TCF4: variants seen among roughly 807,000 people sequenced by gnomAD.
The protein encoded by TCF4 is SL3-3 enhancer factor 2.
TCF4 carries 3 observed loss-of-function variants against 82.1 expected under a neutral mutation model. The observed-to-expected ratio is 0.04, with a 90% confidence interval of 0.02 to 0.09. TCF4 has a LOEUF of 0.09. TCF4 is among the 10% of genes least tolerant of loss of function. The pLI is 1.00. For synonymous variants in TCF4, 276 were observed against 309.6 expected, an observed-to-expected ratio of 0.89 and a Z score of 1.14; for missense variants, 518 against 852.7, an observed-to-expected ratio of 0.61 and a Z score of 4.89.
intron 5 of TCF4, among the ~76,000 whole-genome samples, chr18:55,457,632 T>C (rs1445001555): frequency 2.0e-5 from 3 of 152,134 alleles, no homozygotes; most frequent in Non-Finnish European, 2.9e-5. Context: ...ACCACAGAAG[T>C]GTGCCACCAC....
At chr18:55,631,477 G>GAT in intron 1 of TCF4, 1 of 1,409,768 alleles carries the variant, frequency 7.1e-7, no homozygotes, top group Non-Finnish European at 9.6e-7. Context: ...GGGAAGAAAT[G>GAT]ATAATGTTTT....
intron 3 of TCF4, among the ~76,000 whole-genome samples, chr18:55,487,155 C>G (rs1279369426): frequency 1.3e-5 from 2 of 152,164 alleles, no homozygotes; most frequent in South Asian, 2.1e-4. Context: ...CTCAATCACA[C>G]CAGACTCCTC....
intron 3 of TCF4, among the ~76,000 whole-genome samples, chr18:55,484,545 A>C (rs1254089734): frequency 2.0e-5 from 3 of 152,188 alleles, no homozygotes; most frequent in African/African-American, 7.2e-5. Context: ...GTTCAGTCCA[A>C]GTTGCTAAAA....
intron 3 of TCF4, among the ~76,000 whole-genome samples, chr18:55,511,348 A>AAG (rs1161673399): frequency 6.6e-6 from 1 of 151,338 alleles, no homozygotes; most frequent in Non-Finnish European, 1.5e-5. Context: ...AAAAAAAAAA[A>AAG]AAGCATTCTC....
intron 17 of TCF4, 68 bp from the exon 18 acceptor site, chr18:55,229,144 G>A (rs1454850581): frequency 1.3e-6 from 2 of 1,565,878 alleles, no homozygotes; most frequent in Non-Finnish European, 1.8e-6. Context: ...ACATTACTTT[G>A]TTTTCTTCCA....
At chr18:55,346,711 T>C (rs575761744) in intron 8 of TCF4, among the ~76,000 whole-genome samples, 95 of 152,298 alleles carry the variant, frequency 6.2e-4, no homozygotes, top group African/African-American at 2.2e-3. Context: ...CAGTTTCTGA[T>C]AAAACGTATA....
chr18:55,403,415 A>G (rs191379982), intron 6 of TCF4, 39 bp downstream of exon 6: 2 of 1,605,456 alleles, frequency 1.2e-6, no homozygotes, highest in African/African-American at 2.7e-5. Flanking sequence ...TTACCAGGTT[A>G]ATCCTCTCAA....
At chr18:55,388,758 A>G (rs1490268116) in intron 6 of TCF4, among the ~76,000 whole-genome samples, 5 of 152,206 alleles carry the variant, frequency 3.3e-5, no homozygotes, top group African/African-American at 9.6e-5. Flanking sequence ...CCCCAGTCCC[A>G]TCTCTGCCTT....
At chr18:55,386,970 C>G (rs371020975) in intron 6 of TCF4, among the ~76,000 whole-genome samples, 1 of 152,188 alleles carries the variant, frequency 6.6e-6, no homozygotes, top group South Asian at 2.1e-4. Context: ...CTCGGATACA[C>G]ACAGGCACCA....
At chr18:55,334,506 A>G (rs2078236481) in intron 8 of TCF4, among the ~76,000 whole-genome samples, 1 of 152,142 alleles carries the variant, frequency 6.6e-6, no homozygotes, top group Non-Finnish European at 1.5e-5. Flanking sequence ...CCCAGCTTAG[A>G]AAAGACATTC....
At chr18:55,328,609 AT>A (rs2076980041) in intron 8 of TCF4, among the ~76,000 whole-genome samples, 1 of 152,140 alleles carries the variant, frequency 6.6e-6, no homozygotes. Context: ...TTCGAGGACA[AT>A]TGTTTTTTTC....
At chr18:55,296,844 G>A (rs745774821) in intron 8 of TCF4, among the ~76,000 whole-genome samples, 44 of 152,126 alleles carry the variant, frequency 2.9e-4, no homozygotes, top group Non-Finnish European at 2.1e-4. Context: ...AGTGCACCAA[G>A]GTGGCTCACA....
At chr18:55,372,216 G>A (rs1008217495) in intron 6 of TCF4, among the ~76,000 whole-genome samples, 1 of 152,118 alleles carries the variant, frequency 6.6e-6, no homozygotes, top group African/African-American at 2.4e-5. Flanking sequence ...AAATAAGGAA[G>A]AGTAGCTTCG....
intron 3 of TCF4, among the ~76,000 whole-genome samples, chr18:55,560,417 A>C (rs584564): frequency 1.3e-5 from 2 of 152,170 alleles, no homozygotes; most frequent in African/African-American, 4.8e-5. Context: ...TGCTGTCATC[A>C]GAAGAGTTAA....
At chr18:55,479,813 AC>A (rs1234776853) in intron 3 of TCF4, among the ~76,000 whole-genome samples, 7 of 152,160 alleles carry the variant, frequency 4.6e-5, no homozygotes, top group Non-Finnish European at 8.8e-5. Context: ...CAATTAGCAT[AC>A]CCTGACTAAT....
intron 6 of TCF4, among the ~76,000 whole-genome samples, chr18:55,396,407 C>A (rs1489404229): frequency 1.3e-5 from 2 of 152,188 alleles, no homozygotes; most frequent in Non-Finnish European, 2.9e-5. Context: ...TTTAGAAATT[C>A]ACTCATTTTG....
chr18:55,258,663 A>G (rs1458673072), intron 13 of TCF4, among the ~76,000 whole-genome samples: 3 of 152,180 alleles, frequency 2.0e-5, no homozygotes, highest in Admixed American at 6.6e-5. Context: ...CTTTTTCTAA[A>G]TTAGAAAATG....
chr18:55,448,648 T>A (rs1452789), intron 5 of TCF4, among the ~76,000 whole-genome samples: 84,239 of 152,114 alleles, frequency 0.55, 24,687 homozygotes, highest in Non-Finnish European at 0.63. Flanking sequence ...CAGATTAGAG[T>A]CAGTTTATAG....
chr18:55,374,867 T>C (rs917815425), intron 6 of TCF4, among the ~76,000 whole-genome samples: 6 of 119,310 alleles, frequency 5.0e-5, no homozygotes, highest in Non-Finnish European at 9.9e-5. Context: ...AGTGAGGCCC[T>C]GTCTAAAAAA....
Sources: gnomAD v4.1 joint callset for allele counts (sites outside exome capture counted in the v4.1 genomes callset) on GRCh38, gnomAD v4.1.1 for gene constraint, MANE v1.5 for transcripts, NCBI Gene and HGNC (gene_info 2026-07-23, HGNC 2026-07-21) for gene names.